The following RPS29 variants were observed in gnomAD, a reference collection of about 807,000 sequenced individuals.
The protein encoded by RPS29 is ribosomal protein S29, also known as small ribosomal subunit protein uS14.
For synonymous variants in RPS29, 37 were observed against 26.9 expected, an observed-to-expected ratio of 1.37 and a Z score of -1.16; for missense variants, 60 against 75.7, an observed-to-expected ratio of 0.79 and a Z score of 0.77.
upstream of RPS29, chr14:49,586,606 G>C: frequency 2.0e-6 from 1 of 508,170 alleles, no homozygotes; most frequent in Non-Finnish European, 3.6e-6. Flanking sequence ...CGTGCCTGTA[G>C]TCCCAGCTAC....
At chr14:49,580,640 G>A (rs547265052), downstream of RPS29, among the ~76,000 whole-genome samples, 3 of 152,326 alleles carry the variant, frequency 2.0e-5, no homozygotes, top group Non-Finnish European at 1.5e-5. Flanking sequence ...GGGAGGCTGA[G>A]GTGGGTGGAT....
exon 1 of RPS29, chr14:49,598,553 G>C (rs1006818773): frequency 1.3e-5 from 9 of 702,206 alleles, no homozygotes; most frequent in Non-Finnish European, 1.8e-5. Flanking sequence ...GCTGGCTTAC[G>C]GGGCCACTCA....
intron 2 of RPS29, among the ~76,000 whole-genome samples, chr14:49,578,378 T>A (rs2139503742): frequency 6.6e-6 from 1 of 152,236 alleles, no homozygotes; most frequent in Admixed American, 6.5e-5. Flanking sequence ...AATCAAATCA[T>A]AAATCACATC....
downstream of RPS29, among the ~76,000 whole-genome samples, chr14:49,580,569 A>AC (rs976649813): frequency 3.3e-5 from 5 of 152,322 alleles, no homozygotes; most frequent in Admixed American, 3.3e-4. Context: ...GTGTTCAATC[A>AC]CATGTTTTCA....
chr14:49,586,785 G>A (rs1881587457), upstream of RPS29: 1 of 227,396 alleles, frequency 4.4e-6, no homozygotes, highest in South Asian at 5.8e-5. Flanking sequence ...CGGAAACGGA[G>A]CAGGTCAAAA....
At chr14:49,598,642 G>T (rs773416950) in exon 1 of RPS29, 4 of 700,658 alleles carry the variant, frequency 5.7e-6, no homozygotes, top group Non-Finnish European at 1.0e-5. Flanking sequence ...ACGTGCGCCC[G>T]CAACGCGTAA....
chr14:49,571,015 A>C (rs1881042926), exon 3 of RPS29: 1 of 152,222 alleles, frequency 6.6e-6, no homozygotes, highest in African/African-American at 2.4e-5. Context: ...CAAAATGTTT[A>C]TTTTGGGTAC....
At chr14:49,594,927 A>G (rs1019628064) in intron 1 of RPS29, among the ~76,000 whole-genome samples, 8 of 152,068 alleles carry the variant, frequency 5.3e-5, no homozygotes, top group African/African-American at 1.9e-4. Context: ...ATTGAACAGA[A>G]CTCTTGCTTC....
intron 2 of RPS29, among the ~76,000 whole-genome samples, chr14:49,578,283 C>G (rs1881240967): frequency 6.6e-6 from 1 of 152,066 alleles, no homozygotes; most frequent in Non-Finnish European, 1.5e-5. Flanking sequence ...AGAAGCCTCA[C>G]TAGCAATATT....
chr14:49,588,857 T>C (rs1283517287), upstream of RPS29, among the ~76,000 whole-genome samples: 1 of 150,440 alleles, frequency 6.6e-6, no homozygotes, highest in East Asian at 2.0e-4. Context: ...TCCTGTAGTC[T>C]TCTTACAGTT....
downstream of RPS29, among the ~76,000 whole-genome samples, chr14:49,582,620 A>AT (rs1443325141): frequency 6.6e-6 from 1 of 152,254 alleles, no homozygotes; most frequent in African/African-American, 2.4e-5. Context: ...GAACTCAAGT[A>AT]TTTGTACAAT....
intron 2 of RPS29, chr14:49,585,697 A>T (rs1881518770): frequency 2.0e-6 from 1 of 499,020 alleles, no homozygotes; most frequent in Non-Finnish European, 3.6e-6. Flanking sequence ...ACGGCACCTA[A>T]AACTGGCTAA....
At chr14:49,583,510 A>C (rs769171091), downstream of RPS29, 20 of 803,334 alleles carry the variant, frequency 2.5e-5, no homozygotes, top group African/African-American at 2.7e-4. Flanking sequence ...GTCTCAAAAA[A>C]AAAAAGAAAA....
At chr14:49,597,061 C>G (rs1406847925) in intron 1 of RPS29, among the ~76,000 whole-genome samples, 3 of 151,732 alleles carry the variant, frequency 2.0e-5, no homozygotes, top group Non-Finnish European at 2.9e-5. Flanking sequence ...ACTACAGGTG[C>G]GCGCCAACAC....
chr14:49,586,511 G>A, upstream of RPS29: 1 of 661,562 alleles, frequency 1.5e-6, no homozygotes. Flanking sequence ...TAGAGGCGTT[G>A]TGGGCTGGCC....
chr14:49,579,106 T>C (rs549752240), downstream of RPS29, among the ~76,000 whole-genome samples: 2 of 152,258 alleles, frequency 1.3e-5, no homozygotes, highest in South Asian at 4.2e-4. Context: ...CTGTGGGTTG[T>C]AGGAGGTGGG....
exon 3 of RPS29, chr14:49,574,773 A>C (rs978783776): frequency 2.0e-5 from 3 of 152,268 alleles, no homozygotes; most frequent in Admixed American, 6.5e-5. Context: ...ACTCAGAGCA[A>C]AGCACTGGTA....
downstream of RPS29, among the ~76,000 whole-genome samples, chr14:49,579,305 T>C (rs1452193523): frequency 6.6e-6 from 1 of 152,236 alleles, no homozygotes; most frequent in Non-Finnish European, 1.5e-5. Flanking sequence ...TCAGACTTCC[T>C]AGCCTCCAGA....
intron 1 of RPS29, among the ~76,000 whole-genome samples, chr14:49,595,500 G>C (rs748115393): frequency 6.6e-6 from 1 of 152,130 alleles, no homozygotes; most frequent in African/African-American, 2.4e-5. Flanking sequence ...TCAGCTACTC[G>C]GGAGGCTGGG....
Sources: allele counts gnomAD v4.1 joint callset (sites outside exome capture counted in the v4.1 genomes callset), GRCh38; gene constraint gnomAD v4.1.1; transcripts MANE v1.5; gene names NCBI Gene and HGNC (gene_info 2026-07-23, HGNC 2026-07-21).